Variants in FAM135A observed in about 807,000 individuals in gnomAD.
The protein encoded by FAM135A is family with sequence similarity 135 member A.
FAM135A carries 79 observed loss-of-function variants against 146.8 expected under a neutral mutation model. The ratio of observed to expected loss-of-function variants is 0.54; its 90% CI spans 0.45 to 0.65. FAM135A has a LOEUF of 0.65. FAM135A is among the 30% of genes least tolerant of loss of function. The pLI is 0.00. For missense variants in FAM135A, 1,623 were observed against 1,758.2 expected (o/e 0.92, Z 1.38); for synonymous variants, 562 against 603.6 (o/e 0.93, Z 1.01).
intron 20 of FAM135A, among the ~76,000 whole-genome samples, chr6:70,548,463 G>T (rs147278178): frequency 1.3e-5 from 2 of 152,084 alleles, no homozygotes; most frequent in African/African-American, 2.4e-5. Flanking sequence ...GAGTGAAAGG[G>T]TATCTTTGAA....
intron 12 of FAM135A, among the ~76,000 whole-genome samples, chr6:70,510,815 C>T (rs1231758361): frequency 6.6e-6 from 1 of 152,000 alleles, no homozygotes; most frequent in Non-Finnish European, 1.5e-5. Context: ...TATGGTAATT[C>T]TATGTTTAAC....
chr6:70,437,135 A>G (rs563512425), intron 4 of FAM135A, among the ~76,000 whole-genome samples: 3 of 152,160 alleles, frequency 2.0e-5, no homozygotes, highest in East Asian at 1.9e-4. Context: ...TGCAACTTCA[A>G]TATGTAACTT....
At chr6:70,484,654 G>A (rs377514283) in intron 10 of FAM135A, among the ~76,000 whole-genome samples, 14 of 152,080 alleles carry the variant, frequency 9.2e-5, no homozygotes, top group African/African-American at 3.4e-4. Context: ...TCCCTCACAC[G>A]CACAGTTCGC....
intron 12 of FAM135A, among the ~76,000 whole-genome samples, chr6:70,520,228 A>G (rs78721430): frequency 0.12 from 18,624 of 152,152 alleles, 1,444 homozygotes; most frequent in Middle Eastern, 0.19. Flanking sequence ...ACCAAGTGCA[A>G]TTGTATCAAC....
Position 70,524,117 on chromosome 6 carries a change from T to A in FAM135A, c.1254T>A (p.Thr418=). Residue 418 remains threonine, a synonymous_variant, in exon 14 of 22, where the codon ACT becomes ACA. Coordinates refer to ENST00000418814, the MANE Select transcript of FAM135A (RefSeq NM_001162529.3). Reference sequence around the variant, plus strand: ...AAGATAGGTATTTAGATTCAGTTACTGAAGGTAAGTGTAATCTAACTAAAA... The same window carrying A: ...AAGATAGGTATTTAGATTCAGTTACAGAAGGTAAGTGTAATCTAACTAAAA... ...IFEDRYLDSV[T]EDLDAPWMGI... The A allele has an allele frequency of 6.2e-7, 1 of 1,608,202 alleles. No homozygotes were observed. Among genetic ancestry groups the A allele is most frequent in the South Asian group, 1.1e-5 (1 of 90,566 alleles).
At chr6:70,519,649 T>A (rs1793094111) in intron 12 of FAM135A, among the ~76,000 whole-genome samples, 1 of 152,234 alleles carries the variant, frequency 6.6e-6, no homozygotes, top group Admixed American at 6.5e-5. Flanking sequence ...AGCCGAAGGC[T>A]CAGATGATCA....
chr6:70,477,503 T>C (rs1782854982), intron 8 of FAM135A, among the ~76,000 whole-genome samples, 171 bp downstream of exon 8: 1 of 152,128 alleles, frequency 6.6e-6, no homozygotes, highest in African/African-American at 2.4e-5. Context: ...CTCAGGAAAC[T>C]TATAATCATG....
intron 10 of FAM135A, among the ~76,000 whole-genome samples, chr6:70,489,129 A>C (rs17713212): frequency 0.13 from 19,828 of 152,202 alleles, 1,535 homozygotes; most frequent in Middle Eastern, 0.19. Flanking sequence ...AATTTTTAAA[A>C]ATCAGAGGTA....
intron 5 of FAM135A, among the ~76,000 whole-genome samples, chr6:70,464,657 TC>T (rs1394992270): frequency 2.3e-4 from 25 of 109,106 alleles, no homozygotes; most frequent in South Asian, 1.1e-3. Context: ...TTTCTTTCTT[TC>T]TTTTTTTTCT....
At chr6:70,486,389 A>G (rs867841644) in intron 10 of FAM135A, 27 of 644,684 alleles carry the variant, frequency 4.2e-5, no homozygotes, top group African/African-American at 2.1e-4. Context: ...TTTAAAATCA[A>G]TTTGGTTTGT....
chr6:70,438,086 G>A (rs1225260517), intron 4 of FAM135A, among the ~76,000 whole-genome samples: 1 of 152,044 alleles, frequency 6.6e-6, no homozygotes, highest in African/African-American at 2.4e-5. Context: ...CATAGCAAAA[G>A]GAAGAATGGA....
chr6:70,475,929 A>G (rs1782554587), intron 7 of FAM135A, among the ~76,000 whole-genome samples, 196 bp downstream of exon 7: 1 of 152,246 alleles, frequency 6.6e-6, no homozygotes, highest in Admixed American at 6.5e-5. Context: ...TCCAGATAAC[A>G]AAACCAGACA....
chr6:70,538,945 A>G (rs1490598507), intron 20 of FAM135A, among the ~76,000 whole-genome samples: 4 of 148,898 alleles, frequency 2.7e-5, no homozygotes, highest in Admixed American at 6.7e-5. Flanking sequence ...GATAAATCTT[A>G]TTACTTATTT....
At chr6:70,488,567 G>A (rs1307409950) in intron 10 of FAM135A, among the ~76,000 whole-genome samples, 1 of 151,452 alleles carries the variant, frequency 6.6e-6, no homozygotes, top group Non-Finnish European at 1.5e-5. Context: ...CAGAACTGGG[G>A]CACTGACCCC....
rs569299816 is a variant in FAM135A, at chr6:70,491,297, A to G, written c.873+214A>G. Among the ~76,000 whole-genome samples, 19 of 152,126 alleles carry G rather than the reference A, an allele frequency of 1.2e-4. No individual in the cohort carries two copies. The South Asian group carries it at 3.5e-3, about 28-fold the overall frequency. ...CCTTTTAAAAAGTATATTATTCTTC[A>G]TATAAATGAAATAGCAAAGATAATT... On this transcript the variant is annotated intron_variant, in intron 11 of 21. Transcript: ENST00000418814.
chr6:70,491,034 A>T lies in FAM135A; in HGVS notation c.824A>T (p.Glu275Val). The T allele has an allele frequency of 6.3e-7, 1 of 1,596,828 alleles. No homozygotes were observed. Among genetic ancestry groups the T allele is most frequent in the Non-Finnish European group, 8.5e-7 (1 of 1,172,936 alleles). ...TTCCTCTACTCTTTACTCCTTCCAG[A>T]GGAAATGGATGTAGAAGCTCGACTT... ...EIPSCQKLEL[E>V]EMDVEARLTE... Residue 275 changes from glutamate to valine, a missense_variant and splice_region_variant, in exon 11 of 22, where the codon GAG (glutamate) becomes GTG (valine). Physicochemically the swap from Glu to Val is moderately radical, Grantham distance 121 (BLOSUM62 -2). Around this residue, in one of 7 missense-constraint regions of FAM135A, gnomAD observed 206 missense variants for 194.7 expected, o/e 1.06. Transcript: ENST00000418814.
chr6:70,454,218 CT>C (rs1777772644), intron 5 of FAM135A, among the ~76,000 whole-genome samples: 1 of 152,158 alleles, frequency 6.6e-6, no homozygotes, highest in Non-Finnish European at 1.5e-5. Context: ...TGAAAAGTGT[CT>C]GTTCATATCC....
intron 10 of FAM135A, 81 bp from the exon 11 acceptor site, chr6:70,490,953 T>G: frequency 1.0e-6 from 1 of 1,004,540 alleles, no homozygotes. Flanking sequence ...ATTCTTAATT[T>G]TCAGTTTTTT....
intron 20 of FAM135A, 98 bp downstream of exon 20, chr6:70,538,499 A>T: frequency 1.7e-6 from 1 of 591,808 alleles, no homozygotes. Context: ...TCTAGTGGTT[A>T]AAAAAAAGTG....
Sources: gnomAD v4.1 joint callset for allele counts (sites outside exome capture counted in the v4.1 genomes callset) on GRCh38, gnomAD v4.1.1 for gene constraint, gnomAD v4.1.1 regional missense constraint, MANE v1.5 for transcripts, NCBI Gene and HGNC (gene_info 2026-07-23, HGNC 2026-07-21) for gene names.